The following PRKG1 variants were observed in gnomAD, a reference collection of about 807,000 sequenced individuals.
PRKG1 encodes protein kinase cGMP-dependent 1, also known as cGMP-dependent protein kinase 1.
In PRKG1, 35 loss-of-function variants were observed where a neutral mutation model predicts 88.1. The ratio of observed to expected loss-of-function variants is 0.40; its 90% CI spans 0.30 to 0.53. PRKG1 has a LOEUF of 0.53. PRKG1 is among the 20% of genes least tolerant of loss of function. PRKG1 has a pLI of 0.59. For synonymous variants in PRKG1, 303 were observed against 292.5 expected (o/e 1.04, Z -0.37); for missense variants, 540 against 839.8 (o/e 0.64, Z 4.41).
intron 2 of PRKG1, among the ~76,000 whole-genome samples, chr10:51,428,457 C>T (rs1186893119): frequency 6.6e-6 from 1 of 152,096 alleles, no homozygotes; most frequent in African/African-American, 2.4e-5. Flanking sequence ...GAGGGAGGGG[C>T]TTGGCAAGCC....
chr10:51,366,238 C>T (rs1318563764), intron 2 of PRKG1, among the ~76,000 whole-genome samples: 1 of 151,876 alleles, frequency 6.6e-6, no homozygotes, highest in African/African-American at 2.4e-5. Flanking sequence ...AACTGGAAAC[C>T]TGGCAGTGCT....
At chr10:51,718,575 T>C (rs1334116970) in intron 3 of PRKG1, among the ~76,000 whole-genome samples, 1 of 152,170 alleles carries the variant, frequency 6.6e-6, no homozygotes, top group Non-Finnish European at 1.5e-5. Context: ...GAAAGCATGT[T>C]ATAGAATAAA....
intron 5 of PRKG1, among the ~76,000 whole-genome samples, chr10:51,913,296 C>G (rs1033880100): frequency 4.6e-5 from 7 of 152,136 alleles, no homozygotes; most frequent in African/African-American, 9.7e-5. Flanking sequence ...TGATGCTGAG[C>G]TTTAGGGAAT....
chr10:51,895,570 G>T (rs73333487), intron 4 of PRKG1, among the ~76,000 whole-genome samples: 5 of 152,062 alleles, frequency 3.3e-5, no homozygotes, highest in Non-Finnish European at 5.9e-5. Context: ...TGGCTGCACC[G>T]GGAACCAGAG....
chr10:51,578,787 A>G (rs1655351070), intron 3 of PRKG1, among the ~76,000 whole-genome samples: 1 of 152,074 alleles, frequency 6.6e-6, no homozygotes, highest in Admixed American at 6.6e-5. Context: ...GCAAGTTTAC[A>G]TTAATTACAG....
At chr10:51,334,995 G>GTTTC (rs1841837601) in intron 2 of PRKG1, among the ~76,000 whole-genome samples, 1 of 123,118 alleles carries the variant, frequency 8.1e-6, no homozygotes, top group Non-Finnish European at 1.7e-5. Context: ...TTCCTGTCAG[G>GTTTC]TTTCTTTTTT....
At chr10:52,145,143 G>A (rs890497128) in intron 8 of PRKG1, among the ~76,000 whole-genome samples, 3 of 152,148 alleles carry the variant, frequency 2.0e-5, no homozygotes, top group African/African-American at 7.2e-5. Context: ...ATGATGAATG[G>A]AAATTGATGT....
chr10:51,508,022 T>C (rs1021636832), intron 3 of PRKG1, among the ~76,000 whole-genome samples: 40 of 152,228 alleles, frequency 2.6e-4, no homozygotes, highest in African/African-American at 9.2e-4. Flanking sequence ...AATGATTAAG[T>C]GTATGGGCTG....
At chr10:52,029,226 C>T (rs539399774) in intron 5 of PRKG1, among the ~76,000 whole-genome samples, 30 of 152,302 alleles carry the variant, frequency 2.0e-4, no homozygotes, top group African/African-American at 7.0e-4. Flanking sequence ...CATTCTTTGA[C>T]ATAAACACAC....
chr10:51,713,323 G>T (rs1243329519), intron 3 of PRKG1, among the ~76,000 whole-genome samples: 1 of 152,132 alleles, frequency 6.6e-6, no homozygotes, highest in Non-Finnish European at 1.5e-5. Flanking sequence ...TTTGCAAAGG[G>T]TTATTTTGTC....
intron 7 of PRKG1, among the ~76,000 whole-genome samples, chr10:52,080,169 A>G (rs12774871): frequency 0.24 from 36,064 of 152,162 alleles, 4,982 homozygotes; most frequent in South Asian, 0.36. Flanking sequence ...TGAGACCCTG[A>G]CACTGTTCTG....
At chr10:51,454,543 C>G (rs1050465411) in intron 2 of PRKG1, among the ~76,000 whole-genome samples, 10 of 152,160 alleles carry the variant, frequency 6.6e-5, no homozygotes, top group African/African-American at 1.9e-4. Flanking sequence ...AAAGACATAC[C>G]TGAGACTGGG....
rs1235274702 is a variant in PRKG1 at position 51,861,410 on chromosome 10, TA to T, written c.699-46091del. Among the ~76,000 whole-genome samples the T allele has an allele frequency of 3.7e-4, 57 of 152,372 alleles. 1 individual carries two copies. Among genetic ancestry groups the T allele is most frequent in the Admixed American group, 2.3e-3 (35 of 15,308 alleles). On this transcript the variant is annotated intron_variant, in intron 4 of 17. Coordinates refer to ENST00000373980, the MANE Select transcript of PRKG1 (RefSeq NM_006258.4). Reference sequence around the variant, plus strand: ...AGCACTGTAACACAGCAGGTAGTTATAAAAAATCATTGAAGTTGTTACTATT... The same window carrying T: ...AGCACTGTAACACAGCAGGTAGTTATAAAAATCATTGAAGTTGTTACTATT...
intron 1 of PRKG1, among the ~76,000 whole-genome samples, chr10:51,138,042 A>G (rs890211847): frequency 3.9e-5 from 6 of 152,236 alleles, no homozygotes; most frequent in African/African-American, 1.4e-4. Flanking sequence ...GTAGCTTATT[A>G]ATTAGAAGTA....
intron 4 of PRKG1, among the ~76,000 whole-genome samples, chr10:51,871,677 A>G (rs1021500893): frequency 6.6e-6 from 1 of 152,164 alleles, no homozygotes; most frequent in Non-Finnish European, 1.5e-5. Flanking sequence ...TCCACCATGG[A>G]TTGCTACAGT....
rs111511645 is a variant in PRKG1, at chr10:51,729,334, T to C, written c.593-75251T>C. On this transcript the variant is annotated intron_variant, in intron 3 of 17. Transcript: ENST00000373980. ...AACTCAAACATTTTTCTAGGGTTTA[T>C]TATCTCTAGTGGAAAGGTGAAAAGA... Among the ~76,000 whole-genome samples the C allele has an allele frequency of 2.8e-3, 427 of 152,330 alleles. 1 individual carries two copies. The highest frequency in any genetic ancestry group is 6.8e-3 in the Middle Eastern group (2 of 294).
At chr10:51,694,423 T>C (rs1185272525) in intron 3 of PRKG1, among the ~76,000 whole-genome samples, 1 of 152,250 alleles carries the variant, frequency 6.6e-6, no homozygotes, top group Non-Finnish European at 1.5e-5. Flanking sequence ...AAGCCAAACA[T>C]AATCTTACTT....
chr10:52,247,091 G>T (rs938664429), intron 9 of PRKG1, among the ~76,000 whole-genome samples: 1 of 151,938 alleles, frequency 6.6e-6, no homozygotes, highest in Non-Finnish European at 1.5e-5. Context: ...GCTCCCTATA[G>T]GTATAAGCAC....
chr10:51,712,008 G>A (rs955383406), intron 3 of PRKG1, among the ~76,000 whole-genome samples: 1 of 152,166 alleles, frequency 6.6e-6, no homozygotes, highest in Non-Finnish European at 1.5e-5. Flanking sequence ...ATGAAGCAGA[G>A]GAAAGCGTAT....
Sources: allele counts gnomAD v4.1 joint callset (sites outside exome capture counted in the v4.1 genomes callset), GRCh38; gene constraint gnomAD v4.1.1; transcripts MANE v1.5; gene names NCBI Gene and HGNC (gene_info 2026-07-23, HGNC 2026-07-21).